Variants in RHPN2 observed in about 807,000 individuals in gnomAD.
RHPN2 encodes the protein rhophilin Rho GTPase binding protein 2.
In RHPN2, 40 loss-of-function variants were observed where a neutral mutation model predicts 79.0. That is an observed-to-expected ratio of 0.51 (90% confidence interval 0.39 to 0.66). RHPN2 has a LOEUF of 0.66. Among genes scored for constraint, RHPN2 ranks in the 30% least tolerant of loss-of-function variants. RHPN2 has a pLI of 0.00. For synonymous variants in RHPN2, 285 were observed against 363.5 expected (o/e 0.78, Z 2.46); for missense variants, 686 against 883.5 (o/e 0.78, Z 2.83).
intron 2 of RHPN2, among the ~76,000 whole-genome samples, chr19:33,039,357 C>T (rs1297099698): frequency 3.3e-5 from 5 of 152,120 alleles, no homozygotes; most frequent in Non-Finnish European, 4.4e-5. Flanking sequence ...CCACAACTGA[C>T]GGTGTGAGCT....
At chr19:32,983,500 A>G (rs994083489) in intron 14 of RHPN2, among the ~76,000 whole-genome samples, 10 of 150,894 alleles carry the variant, frequency 6.6e-5, no homozygotes, top group African/African-American at 1.7e-4. Context: ...GGGTGACAGA[A>G]CGAGACTGTC....
chr19:33,049,420 G>T (rs1972169645), intron 1 of RHPN2, among the ~76,000 whole-genome samples: 1 of 152,252 alleles, frequency 6.6e-6, no homozygotes, highest in East Asian at 1.9e-4. Context: ...TCAGAGACAG[G>T]GATTGGTTCT....
chr19:33,038,220 G>A (rs1464481673), intron 2 of RHPN2, among the ~76,000 whole-genome samples: 5 of 151,326 alleles, frequency 3.3e-5, no homozygotes, highest in East Asian at 2.0e-4. Flanking sequence ...ATGGGGGTGC[G>A]TGCCTGTAAT....
At chr19:33,040,555 ACAAGGACTGCCT>A (rs1349699358) in intron 2 of RHPN2, among the ~76,000 whole-genome samples, 5 of 152,072 alleles carry the variant, frequency 3.3e-5, no homozygotes, top group Non-Finnish European at 5.9e-5. Flanking sequence ...TTTAAATTTC[ACAAGGACTGCCT>A]CAATTTCAGA....
chr19:32,988,632 CTTGCCAAAAGG>C, intron 14 of RHPN2, among the ~76,000 whole-genome samples: 1 of 77,578 alleles, frequency 1.3e-5, no homozygotes, highest in South Asian at 3.7e-4. Context: ...TCCTGGTGCT[CTTGCCAAAAGG>C]CCTTCTTTTT....
chr19:33,054,064 T>C (rs769863120), intron 1 of RHPN2, among the ~76,000 whole-genome samples: 1 of 151,858 alleles, frequency 6.6e-6, no homozygotes, highest in Non-Finnish European at 1.5e-5. Flanking sequence ...GTTTTGTCGA[T>C]GCAGCCCAGG....
intron 2 of RHPN2, among the ~76,000 whole-genome samples, chr19:33,040,397 C>T (rs185081770): frequency 5.3e-5 from 8 of 151,890 alleles, no homozygotes; most frequent in Admixed American, 2.6e-4. Context: ...CCACCACACC[C>T]GGCTAATTTT....
intron 14 of RHPN2, among the ~76,000 whole-genome samples, chr19:32,988,919 T>C (rs1971632277): frequency 6.6e-6 from 1 of 152,182 alleles, no homozygotes. Context: ...GCAGGGACCT[T>C]ATCTGTGTAA....
Position 32,982,949 on chromosome 19 carries a change from C to T in RHPN2, c.1801-2693G>A, listed in dbSNP as rs534991119. Among the ~76,000 whole-genome samples the T allele has an allele frequency of 2.6e-4, 39 of 151,966 alleles. 1 individual carries two copies. In the South Asian group the frequency reaches 7.7e-3, roughly 30 times the overall value. ...TGAAGCCACTCACGCACCCTCCTGACATCCCTGCCGTATACTTCATGGCAT... is the reference window on the plus strand; with the variant it reads ...TGAAGCCACTCACGCACCCTCCTGATATCCCTGCCGTATACTTCATGGCAT... On this transcript the variant is annotated intron_variant, in intron 14 of 14. Coordinates refer to ENST00000254260, the MANE Select transcript of RHPN2 (RefSeq NM_033103.5).
At chr19:33,020,896 T>C (rs1174028067) in intron 4 of RHPN2, among the ~76,000 whole-genome samples, 2 of 152,308 alleles carry the variant, frequency 1.3e-5, no homozygotes, top group Admixed American at 6.5e-5. Context: ...CAGGAAGCAA[T>C]GCTGGCAGTA....
chr19:33,046,830 C>T (rs1450556967), intron 1 of RHPN2, among the ~76,000 whole-genome samples: 1 of 151,688 alleles, frequency 6.6e-6, no homozygotes, highest in Non-Finnish European at 1.5e-5. Context: ...ATATCTTCTT[C>T]GAAGAAATAT....
In RHPN2 at chr19:33,038,471, TTTTA is replaced by T. The variant is rs201155722; in HGVS notation, c.185+5774_185+5777del. 5.2e-3 allele frequency among the ~76,000 whole-genome samples: 788 copies of T among 152,028 alleles called. 14 individuals are homozygous for T. The highest frequency in any genetic ancestry group is 0.047 in the Admixed American group (709 of 15,244). On this transcript the variant is annotated intron_variant, in intron 2 of 14. Transcript: ENST00000254260. ...GCCTCAAAATGAATAAATATAAAAA[TTTTA>T]TTTATTTATTATTTATGTATTTATT...
At chr19:33,053,482 G>A (rs1294240839) in intron 1 of RHPN2, among the ~76,000 whole-genome samples, 1 of 149,690 alleles carries the variant, frequency 6.7e-6, no homozygotes, top group African/African-American at 2.5e-5. Context: ...GGAGTGCAGT[G>A]GTGCGATCTT....
At chr19:33,058,916 G>A (rs2145274436) in intron 1 of RHPN2, among the ~76,000 whole-genome samples, 1 of 152,218 alleles carries the variant, frequency 6.6e-6, no homozygotes, top group South Asian at 2.1e-4. Flanking sequence ...GACCAACATG[G>A]TGAAACCCTG....
Position 33,061,231 on chromosome 19 carries a change from T to C in RHPN2, c.69+3553A>G, listed in dbSNP as rs983736502. ...CTGGACAGCACCTGCCTTTCTTTTT[T>C]TTTTTTTTTTTTTTTGAGACGGAGT... On this transcript the variant is annotated intron_variant, in intron 1 of 14. Transcript: ENST00000254260. 4.1e-5 allele frequency among the ~76,000 whole-genome samples: 6 copies of C among 147,296 alleles called. No individual in the cohort carries two copies. In the East Asian group the frequency reaches 6.0e-4, roughly 15 times the overall value.
At chr19:33,004,310 G>A (rs1230177843) in intron 7 of RHPN2, among the ~76,000 whole-genome samples, 2 of 152,114 alleles carry the variant, frequency 1.3e-5, no homozygotes, top group Non-Finnish European at 2.9e-5. Flanking sequence ...AAAGTGCTGA[G>A]ATTACAGGTG....
chr19:33,004,669 C>T (rs544590372), intron 7 of RHPN2, among the ~76,000 whole-genome samples: 1 of 151,384 alleles, frequency 6.6e-6, no homozygotes, highest in East Asian at 2.0e-4. Context: ...TCACTGCAAC[C>T]TCTGCCTCCC....
In RHPN2 at chr19:33,021,612, G is replaced by C. The variant is rs1006920511; in HGVS notation, c.349C>G (p.Leu117Val). 1 of 1,613,822 alleles carries C rather than the reference G, an allele frequency of 6.2e-7. No individual in the cohort carries two copies. The highest frequency in any genetic ancestry group is 1.7e-5 in the Admixed American group (1 of 59,976). The change falls in exon 4 of 15, where the codon CTG (leucine) becomes GTG (valine). Residue 117 changes from leucine (L) to valine (V), a missense_variant. By Grantham distance (32) the Leu-to-Val change is conservative (BLOSUM62 1). Coordinates refer to ENST00000254260, the MANE Select transcript of RHPN2 (RefSeq NM_033103.5). The stretch of plus-strand genomic sequence containing the variant: ...AAGTCGACGTCTTTCGTTTCCTTCA[G>C]GCCAAGAGGAATCAGGGGAATCGTA... ...AFTIPLIPLG[L>V]KETKDVDFAV...
In RHPN2 at chr19:33,012,713, C is replaced by T. The variant is rs1971845148; in HGVS notation, c.402G>A (p.Leu134=). 1 of 1,594,302 alleles carries T rather than the reference C, an allele frequency of 6.3e-7. No homozygotes were observed. The highest frequency in any genetic ancestry group is 8.6e-7 in the Non-Finnish European group (1 of 1,162,022). The change falls in exon 5 of 15, where the codon CTG becomes CTA. Residue 134 remains leucine (L), a synonymous_variant. Coordinates refer to ENST00000254260, the MANE Select transcript of RHPN2 (RefSeq NM_033103.5). ...AATAGCCATCTTCACTGTAATGTTCCAGGATAAAATCCTTAAAGAAAAATG... is the reference window on the plus strand; with the variant it reads ...AATAGCCATCTTCACTGTAATGTTCTAGGATAAAATCCTTAAAGAAAAATG... ...DFAVVLKDFI[L]EHYSEDGYLY...
Sources: allele counts gnomAD v4.1 joint callset (sites outside exome capture counted in the v4.1 genomes callset), GRCh38; gene constraint gnomAD v4.1.1; transcripts MANE v1.5; gene names NCBI Gene and HGNC (gene_info 2026-07-23, HGNC 2026-07-21).